The following GPR89A variants were observed in gnomAD, a reference collection of about 807,000 sequenced individuals.
GPR89A encodes the protein G protein-coupled receptor 89A.
A neutral mutation model predicts 52.0 loss-of-function variants in GPR89A; 16 were observed. The ratio of observed to expected loss-of-function variants is 0.31; its 90% CI spans 0.21 to 0.47. The LOEUF is 0.47. Ranked by LOEUF, GPR89A falls within the 20% of genes least tolerant of loss-of-function variation. The pLI, the probability that GPR89A is intolerant of heterozygous loss-of-function variation, is 1.00. For synonymous variants in GPR89A, 55 were observed against 150.9 expected, an observed-to-expected ratio of 0.36 and a Z score of 4.66; for missense variants, 135 against 449.4, an observed-to-expected ratio of 0.30 and a Z score of 6.33.
chr1:145,647,394 A>T, intron 10 of GPR89A, 127 bp downstream of exon 10: 1 of 1,127,726 alleles, frequency 8.9e-7, no homozygotes, highest in African/African-American at 1.6e-5. Flanking sequence ...AGAGAGCATG[A>T]TCTTCCACAT....
chr1:145,660,641 C>A (rs192511705), intron 10 of GPR89A, among the ~76,000 whole-genome samples: 2,041 of 152,004 alleles, frequency 0.013, 54 homozygotes, highest in African/African-American at 0.047. Flanking sequence ...AAAAAGTTGG[C>A]GAAGGACATG....
At chr1:145,669,473 C>T in intron 12 of GPR89A, 152 bp from the exon 13 acceptor site, 1 of 653,966 alleles carries the variant, frequency 1.5e-6, no homozygotes, top group South Asian at 1.8e-5. Flanking sequence ...TATTTTAAGT[C>T]TCTTCTTTAT....
chr1:145,613,864 A>C (rs1305899309), intron 1 of GPR89A, among the ~76,000 whole-genome samples: 1 of 151,774 alleles, frequency 6.6e-6, no homozygotes, highest in African/African-American at 2.4e-5. Context: ...ACAGCTCACT[A>C]TAACGTCTAC....
At position 145,610,209 on chromosome 1, in the gene GPR89A, C is replaced by A. The variant is rs1384897482; in HGVS notation, c.42+2034C>A. Among the ~76,000 whole-genome samples the A allele has an allele frequency of 2.6e-5, 4 of 152,020 alleles. No homozygotes were observed. In the East Asian group the frequency reaches 7.7e-4, roughly 29 times the overall value. ...TTGGAAACACCACCATTGCCCCCTG[C>A]GCCCCTCCCTGCTCATTTTTTCTGT... On this transcript the variant is annotated intron_variant, in intron 1 of 13. Coordinates refer to ENST00000313835, the MANE Select transcript of GPR89A (RefSeq NM_001097612.2).
intron 7 of GPR89A, among the ~76,000 whole-genome samples, chr1:145,636,058 A>T (rs1267300887): frequency 2.0e-5 from 3 of 152,168 alleles, no homozygotes; most frequent in African/African-American, 7.2e-5. Context: ...TGATCTATAC[A>T]TACTATAGCC....
intron 7 of GPR89A, among the ~76,000 whole-genome samples, chr1:145,642,940 G>A (rs1650750952): frequency 1.3e-5 from 2 of 152,082 alleles, no homozygotes; most frequent in African/African-American, 2.4e-5. Flanking sequence ...GAGAGGACCA[G>A]GAGTGGTAGG....
chr1:145,612,834 G>A (rs1553686405), intron 1 of GPR89A, among the ~76,000 whole-genome samples: 1 of 151,838 alleles, frequency 6.6e-6, no homozygotes, highest in African/African-American at 2.4e-5. Context: ...ATTATCTAAT[G>A]TTTTCTTTTT....
At chr1:145,616,570 AT>A (rs1308904420) in intron 2 of GPR89A, among the ~76,000 whole-genome samples, 7 of 152,080 alleles carry the variant, frequency 4.6e-5, no homozygotes, top group Non-Finnish European at 8.8e-5. Flanking sequence ...GTAGGAGAGA[AT>A]TTAATTCATA....
intron 5 of GPR89A, among the ~76,000 whole-genome samples, chr1:145,629,786 C>T (rs1277707747): frequency 2.0e-5 from 3 of 151,654 alleles, no homozygotes; most frequent in Admixed American, 6.6e-5. Context: ...TTGCACTGAC[C>T]TCTAAAACGA....
chr1:145,619,946 C>A (rs587646526), intron 3 of GPR89A, among the ~76,000 whole-genome samples: 1 of 151,922 alleles, frequency 6.6e-6, no homozygotes, highest in Non-Finnish European at 1.5e-5. Context: ...ACCCAGGAGG[C>A]AGAGCTTGCA....
intron 12 of GPR89A, among the ~76,000 whole-genome samples, chr1:145,667,221 G>A (rs376965243): frequency 2.0e-5 from 3 of 152,170 alleles, no homozygotes; most frequent in South Asian, 2.1e-4. Context: ...AAGTGTTCCT[G>A]TTTCTCCACA....
chr1:145,619,867 T>C (rs587619495), intron 3 of GPR89A, among the ~76,000 whole-genome samples: 4 of 151,664 alleles, frequency 2.6e-5, no homozygotes, highest in African/African-American at 9.7e-5. Flanking sequence ...TACAAAAAAT[T>C]AGCTGGGCGT....
At chr1:145,613,833 C>G (rs2101728736) in intron 1 of GPR89A, among the ~76,000 whole-genome samples, 1 of 151,700 alleles carries the variant, frequency 6.6e-6, no homozygotes, top group East Asian at 1.9e-4. Context: ...GTCACCCAGG[C>G]TGGAATGCAG....
At chr1:145,646,115 T>C (rs1363055836) in intron 8 of GPR89A, 69 bp from the exon 9 acceptor site, 9 of 1,612,688 alleles carry the variant, frequency 5.6e-6, no homozygotes, top group Non-Finnish European at 7.6e-6. Context: ...AAACCAAAAG[T>C]ATATGCTTTC....
At chr1:145,629,476 T>G (rs1481159649) in intron 5 of GPR89A, among the ~76,000 whole-genome samples, 7 of 151,906 alleles carry the variant, frequency 4.6e-5, no homozygotes, top group African/African-American at 1.7e-4. Flanking sequence ...CCGAAGACAA[T>G]GGAGAGAGAT....
At chr1:145,646,598 A>G (rs1651008928) in intron 9 of GPR89A, 1 of 364,800 alleles carries the variant, frequency 2.7e-6, no homozygotes, top group East Asian at 5.8e-5. Flanking sequence ...TAAGTTAGTA[A>G]TATTATAAGA....
chr1:145,664,771 C>T (rs587771867), intron 11 of GPR89A, among the ~76,000 whole-genome samples: 3 of 149,620 alleles, frequency 2.0e-5, no homozygotes, highest in Non-Finnish European at 4.4e-5. Context: ...CTTACATGGC[C>T]ATGTATATAT....
intron 10 of GPR89A, among the ~76,000 whole-genome samples, chr1:145,649,354 T>C (rs1420832137): frequency 2.0e-5 from 3 of 152,102 alleles, no homozygotes; most frequent in African/African-American, 7.2e-5. Context: ...TCATTATATA[T>C]TAGTTTGTAT....
intron 11 of GPR89A, among the ~76,000 whole-genome samples, chr1:145,664,391 C>T (rs1292059883): frequency 6.6e-6 from 1 of 152,214 alleles, no homozygotes; most frequent in Non-Finnish European, 1.5e-5. Flanking sequence ...CTGTGGCCCA[C>T]ATCTGTAGTC....
Sources: allele counts gnomAD v4.1 joint callset (sites outside exome capture counted in the v4.1 genomes callset), GRCh38; gene constraint gnomAD v4.1.1; transcripts MANE v1.5; gene names NCBI Gene and HGNC (gene_info 2026-07-23, HGNC 2026-07-21).